DOCK4: variants seen among roughly 807,000 people sequenced by gnomAD.
DOCK4 encodes the protein dedicator of cytokinesis 4, also known as dedicator of cytokinesis protein 4.
DOCK4 carries 97 observed loss-of-function variants against 268.1 expected under a neutral mutation model. The observed-to-expected ratio is 0.36, with a 90% CI of 0.31 to 0.43. The LOEUF (loss-of-function observed/expected upper bound fraction) is 0.43, where lower values mean the gene tolerates loss of function less well. Among genes scored for constraint, DOCK4 ranks in the 20% least tolerant of loss-of-function variants. DOCK4 has a pLI of 1.00. For synonymous variants in DOCK4, 954 were observed against 887.2 expected (o/e 1.08, Z -1.34); for missense variants, 2,145 against 2,455.7 (o/e 0.87, Z 2.67).
chr7:111,799,105 A>G (rs966960150), intron 30 of DOCK4, among the ~76,000 whole-genome samples: 5 of 152,198 alleles, frequency 3.3e-5, no homozygotes, highest in African/African-American at 9.7e-5. Flanking sequence ...AAGGCTCCAT[A>G]AAAGAAATTA....
chr7:111,780,637 T>C (rs1033365719), intron 35 of DOCK4, among the ~76,000 whole-genome samples: 1 of 152,238 alleles, frequency 6.6e-6, no homozygotes, highest in African/African-American at 2.4e-5. Context: ...GTATTAGTCA[T>C]GTCAAATATT....
At chr7:112,043,138 C>CAATGAACAA (rs1804538199) in intron 1 of DOCK4, among the ~76,000 whole-genome samples, 1 of 151,948 alleles carries the variant, frequency 6.6e-6, no homozygotes, top group Non-Finnish European at 1.5e-5. Context: ...AGACAATGAA[C>CAATGAACAA]TAAGACAGGC....
At chr7:111,892,812 AT>A (rs971235686) in intron 16 of DOCK4, among the ~76,000 whole-genome samples, 31 of 152,208 alleles carry the variant, frequency 2.0e-4, no homozygotes, top group Non-Finnish European at 4.1e-4. Flanking sequence ...CTGAAACTGA[AT>A]TTGTTGGCTC....
rs1277644303 is a variant in DOCK4 at position 111,739,466 on chromosome 7, A to G, written c.5052T>C (p.Ser1684=). 2.6e-6 allele frequency: 4 copies of G among 1,567,850 alleles called. No individual in the cohort carries two copies. Among genetic ancestry groups the G allele is most frequent in the Non-Finnish European group, 3.5e-6 (4 of 1,156,386 alleles). Reference sequence around the variant, plus strand: ...AGTGAGTAGAACTCAAGCTTGAGGTAGATGGACTTGGCTGGAAACACACAG... The same window carrying G: ...AGTGAGTAGAACTCAAGCTTGAGGTGGATGGACTTGGCTGGAAACACACAG... ...DEVFNMQPSP[S]TSSLSSTHSA... is the part of the protein sequence containing the mutation. Residue 1684 remains serine (S), a synonymous_variant, in exon 48 of 53, where the codon TCT becomes TCC. Transcript: ENST00000428084.
At chr7:111,994,897 G>T (rs1193425182) in intron 4 of DOCK4, among the ~76,000 whole-genome samples, 1 of 151,988 alleles carries the variant, frequency 6.6e-6, no homozygotes, top group Non-Finnish European at 1.5e-5. Context: ...TTAGAGTAAC[G>T]TAGTCTTCTC....
intron 1 of DOCK4, among the ~76,000 whole-genome samples, chr7:112,078,749 T>A (rs1319354140): frequency 1.3e-5 from 2 of 152,190 alleles, no homozygotes; most frequent in Non-Finnish European, 2.9e-5. Context: ...GGGAGCTCAC[T>A]CACTTATACA....
intron 12 of DOCK4, among the ~76,000 whole-genome samples, chr7:111,918,312 C>T (rs1023571168): frequency 2.0e-5 from 3 of 152,206 alleles, no homozygotes; most frequent in Non-Finnish European, 4.4e-5. Flanking sequence ...AACTTCAAAT[C>T]TGCGTCCTAG....
In DOCK4 at chr7:111,840,155, A is replaced by G. The variant is rs74785036; in HGVS notation, c.2736+4608T>C. Among the ~76,000 whole-genome samples, 77 of 152,336 alleles carry G rather than the reference A, an allele frequency of 5.1e-4. No homozygotes were observed. The East Asian group carries it at 0.013, about 25-fold the overall frequency. On this transcript the variant is annotated intron_variant, in intron 25 of 52. Transcript: ENST00000428084. Reference sequence around the variant, plus strand: ...TGGGAATTTCTACAAATGACTGTGTATAGCAAGGGTATTGGATGGCTACAA... The same window carrying G: ...TGGGAATTTCTACAAATGACTGTGTGTAGCAAGGGTATTGGATGGCTACAA...
chr7:112,164,155 G>A (rs549355376), intron 1 of DOCK4, among the ~76,000 whole-genome samples: 21 of 151,988 alleles, frequency 1.4e-4, no homozygotes, highest in Admixed American at 1.3e-4. Flanking sequence ...GTGTGGTGGC[G>A]CATGCCTCTA....
chr7:112,105,292 A>G (rs565723667), intron 1 of DOCK4, among the ~76,000 whole-genome samples: 15 of 152,164 alleles, frequency 9.9e-5, no homozygotes, highest in Non-Finnish European at 1.9e-4. Flanking sequence ...ATGTTTAGGG[A>G]AAGAAATTTA....
At chr7:112,136,528 G>A (rs181553988) in intron 1 of DOCK4, among the ~76,000 whole-genome samples, 36 of 152,316 alleles carry the variant, frequency 2.4e-4, no homozygotes, top group Admixed American at 1.9e-3. Flanking sequence ...TTTGCTGGGG[G>A]ATGATGTGGC....
At position 112,008,994 on chromosome 7, in the gene DOCK4, A is replaced by AAAAC. The variant is rs986862774; in HGVS notation, c.38-4867_38-4864dup. Among the ~76,000 whole-genome samples, 13 of 152,310 alleles carry AAAAC rather than the reference A, an allele frequency of 8.5e-5. No homozygotes were observed. In the South Asian group the frequency reaches 1.2e-3, roughly 15 times the overall value. ...GGCAACAGAGTGAGGCTCCATCTCC[A>AAAAC]AAACAAACAAACAAACAAAGAATTA... On this transcript the variant is annotated intron_variant, in intron 1 of 52. Transcript: ENST00000428084.
At chr7:111,755,164 T>C (rs1013962166) in intron 42 of DOCK4, among the ~76,000 whole-genome samples, 6 of 152,122 alleles carry the variant, frequency 3.9e-5, no homozygotes, top group Admixed American at 1.3e-4. Context: ...TTAAATAAGA[T>C]AAAGCAGGTA....
At chr7:112,124,786 C>A (rs1235576035) in intron 1 of DOCK4, among the ~76,000 whole-genome samples, 1 of 152,168 alleles carries the variant, frequency 6.6e-6, no homozygotes, top group Non-Finnish European at 1.5e-5. Context: ...ATTGAAGGAA[C>A]CCACATTCAC....
chr7:111,801,856 A>ATT (rs538307512), intron 30 of DOCK4: 7,504 of 132,746 alleles, frequency 0.057, 704 homozygotes, highest in African/African-American at 0.19. Flanking sequence ...CGCTGGGCTA[A>ATT]TTTTTTTTTT....
At chr7:112,177,912 A>G (rs1456827016) in intron 1 of DOCK4, among the ~76,000 whole-genome samples, 1 of 152,232 alleles carries the variant, frequency 6.6e-6, no homozygotes, top group Non-Finnish European at 1.5e-5. Context: ...TCCCATGGGC[A>G]TGACTGGCCA....
chr7:111,869,536 TTTGTTAGACTC>T, intron 21 of DOCK4, 27 bp downstream of exon 21: 1 of 1,586,974 alleles, frequency 6.3e-7, no homozygotes, highest in Non-Finnish European at 8.6e-7. Context: ...ATGCAACAGC[TTTGTTAGACTC>T]TGCTGTTATC....
At chr7:111,979,479 A>ATTTT (rs10629057) in intron 7 of DOCK4, among the ~76,000 whole-genome samples, 79 of 147,306 alleles carry the variant, frequency 5.4e-4, no homozygotes, top group Middle Eastern at 6.9e-3. Flanking sequence ...TGCTTTAACA[A>ATTTT]TTTTTTTTTT....
rs1306520094 is a variant in DOCK4, at chr7:111,728,264, G to A, written c.*10C>T. The A allele has an allele frequency of 6.8e-7, 1 of 1,474,510 alleles. No individual in the cohort carries two copies. Among genetic ancestry groups the A allele is most frequent in the Non-Finnish European group, 9.0e-7 (1 of 1,112,002 alleles). 91.3% of individuals were successfully genotyped at this position (1,474,510 alleles called of 1,614,324 possible). On this transcript the variant is annotated 3_prime_UTR_variant, in exon 53 of 53. Coordinates refer to ENST00000428084, the MANE Select transcript of DOCK4 (RefSeq NM_001363540.2). ...GCAAAGAATGCATCGCAGGTACATA[G>A]AAAAGTGACTTATAACTGAGAGACC... is the stretch of plus-strand genomic sequence containing the variant.
Sources: allele counts gnomAD v4.1 joint callset (sites outside exome capture counted in the v4.1 genomes callset), GRCh38; gene constraint gnomAD v4.1.1; transcripts MANE v1.5; gene names NCBI Gene and HGNC (gene_info 2026-07-23, HGNC 2026-07-21).